Variants in PRR23A observed in about 807,000 individuals in gnomAD.
PRR23A encodes proline rich 23A, also known as proline-rich protein 23A.
For missense variants in PRR23A, 342 were observed against 372.7 expected, an observed-to-expected ratio of 0.92 and a Z score of 0.68; for synonymous variants, 161 against 170.6, an observed-to-expected ratio of 0.94 and a Z score of 0.44.
rs750583037 is a variant in PRR23A, at chr3:139,006,077, G to A, written c.192C>T (p.Ala64=). The A allele has an allele frequency of 2.2e-5, 35 of 1,588,002 alleles. No individual in the cohort carries two copies. The highest frequency in any genetic ancestry group is 2.7e-5 in the African/African-American group (2 of 74,318). ...VGALTSIVVL[A]AGCALRVPLD... Reference sequence around the variant, plus strand: ...GGGGCACACGCAGGGCACAGCCCGCGGCCAGGACCACTATGGAGGTGAGCG... The same window carrying A: ...GGGGCACACGCAGGGCACAGCCCGCAGCCAGGACCACTATGGAGGTGAGCG... Residue 64 remains alanine, a synonymous_variant, in exon 1 of 1, where the codon GCC becomes GCT. Transcript: ENST00000383163.
At position 139,004,002 on chromosome 3, in the gene PRR23A, A is replaced by C. The variant is rs1444540046; in HGVS notation, c.*1466T>G. On this transcript the variant is annotated 3_prime_UTR_variant, in exon 1 of 1. Coordinates refer to ENST00000383163, the MANE Select transcript of PRR23A (RefSeq NM_001134659.1). ...AATTTAATTGTCCAGAAAACAACAT[A>C]AACATTGCTTATTTATATCTATACA... Among the ~76,000 whole-genome samples, 1 of 152,218 alleles carries C rather than the reference A, an allele frequency of 6.6e-6. No individual in the cohort carries two copies. The highest frequency in any genetic ancestry group is 2.4e-5 in the African/African-American group (1 of 41,470).
Position 139,004,750 on chromosome 3 carries a change from G to T in PRR23A, c.*718C>A, listed in dbSNP as rs1936750247. Among the ~76,000 whole-genome samples, 2 of 152,234 alleles carry T rather than the reference G, an allele frequency of 1.3e-5. No homozygotes were observed. Among genetic ancestry groups the T allele is most frequent in the African/African-American group, 2.4e-5 (1 of 41,474 alleles). The stretch of plus-strand genomic sequence containing the variant: ...ACGCCTCGGCCTCCCAAAGTGCTGG[G>T]ATTACAGGCGTGAGCCATCGCGCCC... On this transcript the variant is annotated 3_prime_UTR_variant, in exon 1 of 1. Transcript: ENST00000383163.
Position 139,005,516 on chromosome 3 carries a change from G to T in PRR23A, c.753C>A (p.Leu251=). Residue 251 remains leucine (L), a synonymous_variant, in exon 1 of 1, where the codon CTC becomes CTA. Transcript: ENST00000383163. ...GGGCCTTGCACGGAGGGCGTTTCGG[G>T]AGCGGCGGGTGCGCGTGGGGACCTG... ...GSPGPHAHPP[L]PKRPPCKARR... is the part of the protein sequence containing the mutation. The T allele has an allele frequency of 3.3e-6, 5 of 1,498,498 alleles. No individual in the cohort carries two copies. Among genetic ancestry groups the T allele is most frequent in the Non-Finnish European group, 4.4e-6 (5 of 1,126,802 alleles). 92.8% of individuals were successfully genotyped at this position (1,498,498 alleles called of 1,614,324 possible). A position where few individuals can be genotyped will look rare whatever the true frequency, so the allele number is the denominator to read the frequency against.
Position 139,005,658 on chromosome 3 carries a change from T to C in PRR23A, c.611A>G (p.Asn204Ser), listed in dbSNP as rs753353969. 1.2e-6 allele frequency: 2 copies of C among 1,613,196 alleles called. No homozygotes were observed. Among genetic ancestry groups the C allele is most frequent in the Admixed American group, 1.7e-5 (1 of 59,936 alleles). ...PIPEPCALAPNPSSEGHSPGP... is the reference protein window; with the variant it reads ...PIPEPCALAPSPSSEGHSPGP... ...TGGAGAGTGTCCCTCTGAACTGGGG[T>C]TGGGGGCCAGAGCACAGGGTTCTGG... Residue 204 changes from asparagine (N) to serine (S), a missense_variant, in exon 1 of 1, where the codon AAC becomes AGC. Physicochemically the swap from Asn to Ser is conservative, Grantham distance 46. Transcript: ENST00000383163.
Position 139,005,700 on chromosome 3 carries a change from T to C in PRR23A, c.569A>G (p.Tyr190Cys). Residue 190 changes from tyrosine to cysteine, a missense_variant, in exon 1 of 1, where the codon TAC becomes TGC. By Grantham distance (194) the Tyr-to-Cys change is radical. Coordinates refer to ENST00000383163, the MANE Select transcript of PRR23A (RefSeq NM_001134659.1). ...GGGTTCTGGGATGGGGCCCTCCCGG[T>C]AGGGGCTGAACATACTTCTGGCGGA... ...YSSARSMFSP[Y>C]REGPIPEPCA... is the part of the protein sequence containing the mutation. The C allele has an allele frequency of 6.2e-7, 1 of 1,613,634 alleles. No homozygotes were observed. Among genetic ancestry groups the C allele is most frequent in the Non-Finnish European group, 8.5e-7 (1 of 1,179,830 alleles).
At position 139,005,637 on chromosome 3, in the gene PRR23A, G is replaced by A. The variant is rs771244876; in HGVS notation, c.632C>T (p.Ser211Phe). ...LAPNPSSEGH[S>F]PGPFFDPEFR... ...TTCCGGGTCGAAGAAGGGGCCTGGAGAGTGTCCCTCTGAACTGGGGTTGGG... is the reference window on the plus strand; with the variant it reads ...TTCCGGGTCGAAGAAGGGGCCTGGAAAGTGTCCCTCTGAACTGGGGTTGGG... The change falls in exon 1 of 1, where the codon TCT becomes TTT. Residue 211 changes from serine (S) to phenylalanine (F), a missense_variant. By Grantham distance (155) the Ser-to-Phe change is radical (BLOSUM62 -2). Transcript: ENST00000383163. 5.6e-6 allele frequency: 9 copies of A among 1,613,468 alleles called. No individual in the cohort carries two copies. In the Middle Eastern group the frequency reaches 5.0e-4, roughly 90 times the overall value.
At position 139,006,206 on chromosome 3, in the gene PRR23A, T is replaced by G; in HGVS notation, c.63A>C (p.Gly21=). The G allele has an allele frequency of 6.5e-7, 1 of 1,547,514 alleles. No homozygotes were observed. Among genetic ancestry groups the G allele is most frequent in the South Asian group, 1.2e-5 (1 of 84,058 alleles). ...GGAGGCGCTTGGCAGGGCCGGGTCC[T>G]CCTGGCTGCTGTCCCCACCAGGGCG... ...FPAPWWGQQP[G]GPGPAKRLRL... The change falls in exon 1 of 1, where the codon GGA becomes GGC. Residue 21 remains glycine (G), a synonymous_variant. Coordinates refer to ENST00000383163, the MANE Select transcript of PRR23A (RefSeq NM_001134659.1).
In PRR23A at chr3:139,004,911, G is replaced by C. The variant is rs1373371903; in HGVS notation, c.*557C>G. Among the ~76,000 whole-genome samples the C allele has an allele frequency of 6.6e-6, 1 of 152,188 alleles. No homozygotes were observed. Among genetic ancestry groups the C allele is most frequent in the Non-Finnish European group, 1.5e-5 (1 of 68,032 alleles). On this transcript the variant is annotated 3_prime_UTR_variant, in exon 1 of 1. Transcript: ENST00000383163. ...CAGGTCCAGGAAAAGGAGTTAAGGA[G>C]AGCAAGTGGAAAATAAAATCAGTGG...
rs772458809 is a variant in PRR23A at position 139,005,747 on chromosome 3, G to A, written c.522C>T (p.Gly174=). 17 of 1,613,276 alleles carry A rather than the reference G, an allele frequency of 1.1e-5. No individual in the cohort carries two copies. In the East Asian group the frequency reaches 3.3e-4, roughly 32 times the overall value. The change falls in exon 1 of 1, where the codon GGC becomes GGT. Residue 174 remains glycine, a synonymous_variant. Coordinates refer to ENST00000383163, the MANE Select transcript of PRR23A (RefSeq NM_001134659.1). Reference sequence around the variant, plus strand: ...CGGAGGAGTAGAGCCCAGCGGCTGAGCCGGCTGCGGAGTCCATCTGGAGCT... The same window carrying A: ...CGGAGGAGTAGAGCCCAGCGGCTGAACCGGCTGCGGAGTCCATCTGGAGCT... ...FPELQMDSAA[G]SAAGLYSSAR...
rs1936773198 is a variant in PRR23A, at chr3:139,005,982, G to C, written c.287C>G (p.Thr96Ser). 6.2e-7 allele frequency: 1 copy of C among 1,613,802 alleles called. No homozygotes were observed. The highest frequency in any genetic ancestry group is 1.7e-5 in the Admixed American group (1 of 60,000). The change falls in exon 1 of 1, where the codon ACC becomes AGC. Residue 96 changes from threonine (T) to serine (S), a missense_variant. Coordinates refer to ENST00000383163, the MANE Select transcript of PRR23A (RefSeq NM_001134659.1). ...GAGGACCTCTGGGATCAGGATGAGGGTGTGTCCATCGAGAGACACTCGCAG... is the reference window on the plus strand; with the variant it reads ...GAGGACCTCTGGGATCAGGATGAGGCTGTGTCCATCGAGAGACACTCGCAG... ...SILRVSLDGHTLILIPEVLLS... is the reference protein window; with the variant it reads ...SILRVSLDGHSLILIPEVLLS...
In PRR23A at chr3:139,005,566, G is replaced by T; in HGVS notation, c.703C>A (p.Pro235Thr). The T allele has an allele frequency of 6.2e-7, 1 of 1,605,830 alleles. No homozygotes were observed. Among genetic ancestry groups the T allele is most frequent in the Non-Finnish European group, 8.5e-7 (1 of 1,176,014 alleles). ...PVPSSPLQPL[P>T]PSPRVGSPGP... ...GGACTCCCCACGCGCGGAGAGGGAG[G>T]TAGAGGTTGGAGAGGTGAGCTGGGG... The change falls in exon 1 of 1, where the codon CCT (proline) becomes ACT (threonine). Residue 235 changes from proline to threonine, a missense_variant. Physicochemically the swap from Pro to Thr is conservative, Grantham distance 38 (BLOSUM62 -1). Coordinates refer to ENST00000383163, the MANE Select transcript of PRR23A (RefSeq NM_001134659.1).
chr3:139,005,971 T>G lies in PRR23A; in HGVS notation c.298A>C (p.Ile100Leu). 1 of 1,613,814 alleles carries G rather than the reference T, an allele frequency of 6.2e-7. No individual in the cohort carries two copies. Among genetic ancestry groups the G allele is most frequent in the Admixed American group, 1.7e-5 (1 of 60,008 alleles). Residue 100 changes from isoleucine to leucine, a missense_variant, in exon 1 of 1, where the codon ATC (isoleucine) becomes CTC (leucine). Transcript: ENST00000383163. ...VSLDGHTLIL[I>L]PEVLLSSVDE... ...ACAGAGCTCAGGAGGACCTCTGGGA[T>G]CAGGATGAGGGTGTGTCCATCGAGA...
At position 139,005,680 on chromosome 3, in the gene PRR23A, C is replaced by G. The variant is rs764840390; in HGVS notation, c.589G>C (p.Glu197Gln). Reference protein sequence around the residue: ...FSPYREGPIPEPCALAPNPSS... With the variant: ...FSPYREGPIPQPCALAPNPSS... Reference sequence around the variant, plus strand: ...GGGTTGGGGGCCAGAGCACAGGGTTCTGGGATGGGGCCCTCCCGGTAGGGG... The same window carrying G: ...GGGTTGGGGGCCAGAGCACAGGGTTGTGGGATGGGGCCCTCCCGGTAGGGG... The change falls in exon 1 of 1, where the codon GAA (glutamate) becomes CAA (glutamine). Residue 197 changes from glutamate (E) to glutamine (Q), a missense_variant. Transcript: ENST00000383163. 4 of 1,613,794 alleles carry G rather than the reference C, an allele frequency of 2.5e-6. No homozygotes were observed. The highest frequency in any genetic ancestry group is 3.4e-6 in the Non-Finnish European group (4 of 1,179,900).
chr3:139,005,528 C>T lies in PRR23A; in HGVS notation c.741G>A (p.Ala247=), dbSNP rs761983068. 1 of 1,478,286 alleles carries T rather than the reference C, an allele frequency of 6.8e-7. No homozygotes were observed. Among genetic ancestry groups the T allele is most frequent in the Non-Finnish European group, 9.0e-7 (1 of 1,115,914 alleles). 91.6% of individuals were successfully genotyped at this position (1,478,286 alleles called of 1,614,324 possible). ...SPRVGSPGPH[A]HPPLPKRPPC... is the part of the protein sequence containing the mutation. ...GAGGGCGTTTCGGGAGCGGCGGGTG[C>T]GCGTGGGGACCTGGACTCCCCACGC... The change falls in exon 1 of 1, where the codon GCG becomes GCA. Residue 247 remains alanine, a synonymous_variant. Coordinates refer to ENST00000383163, the MANE Select transcript of PRR23A (RefSeq NM_001134659.1).
Position 139,005,847 on chromosome 3 carries a change from A to T in PRR23A, c.422T>A (p.Val141Asp), listed in dbSNP as rs1576486340. The T allele has an allele frequency of 3.1e-6, 5 of 1,613,878 alleles. No homozygotes were observed. The East Asian group carries it at 1.1e-4, about 36-fold the overall frequency. ...GATCTCTGGGACAGATGCGCAGAAGACTTCCTGCTCAACGACGACGTCCTC... is the reference window on the plus strand; with the variant it reads ...GATCTCTGGGACAGATGCGCAGAAGTCTTCCTGCTCAACGACGACGTCCTC... ...LREDVVVEQE[V>D]FCASVPEIAA... The change falls in exon 1 of 1, where the codon GTC becomes GAC. Residue 141 changes from valine to aspartate, a missense_variant. Coordinates refer to ENST00000383163, the MANE Select transcript of PRR23A (RefSeq NM_001134659.1).
rs536452039 is a variant in PRR23A, at chr3:139,004,656, T to A, written c.*812A>T. On this transcript the variant is annotated 3_prime_UTR_variant, in exon 1 of 1. Coordinates refer to ENST00000383163, the MANE Select transcript of PRR23A (RefSeq NM_001134659.1). ...CACCATGCCCGGCTAATTTTCGTAT[T>A]TTTAGTAGAGACGGAGTTTCGCCAT... is the stretch of plus-strand genomic sequence containing the variant. Among the ~76,000 whole-genome samples the A allele has an allele frequency of 6.6e-6, 1 of 152,210 alleles. No homozygotes were observed. The highest frequency in any genetic ancestry group is 1.9e-4 in the East Asian group (1 of 5,172).
In PRR23A at chr3:139,006,135, A is replaced by G. The variant is rs1297956303; in HGVS notation, c.134T>C (p.Leu45Pro). ...GGCCGGGGTACCCGCCGGGTCTTCCAGGCTGGGCGCCACGCGGGGTTCGGG... is the reference window on the plus strand; with the variant it reads ...GGCCGGGGTACCCGCCGGGTCTTCCGGGCTGGGCGCCACGCGGGGTTCGGG... ...AGPEPRVAPSLEDPAGTPAVG... is the reference protein window; with the variant it reads ...AGPEPRVAPSPEDPAGTPAVG... Residue 45 changes from leucine (L) to proline (P), a missense_variant, in exon 1 of 1, where the codon CTG becomes CCG. Physicochemically the swap from Leu to Pro is moderately conservative, Grantham distance 98. Transcript: ENST00000383163. 2.6e-6 allele frequency: 4 copies of G among 1,544,710 alleles called. No individual in the cohort carries two copies. Among genetic ancestry groups the G allele is most frequent in the Non-Finnish European group, 3.5e-6 (4 of 1,146,724 alleles).
Position 139,005,861 on chromosome 3 carries a change from G to T in PRR23A, c.408C>A (p.Val136=). The change falls in exon 1 of 1, where the codon GTC becomes GTA. Residue 136 remains valine, a synonymous_variant. Coordinates refer to ENST00000383163, the MANE Select transcript of PRR23A (RefSeq NM_001134659.1). ...ATGCGCAGAAGACTTCCTGCTCAAC[G>T]ACGACGTCCTCCCTGAGAGCGCCCA... is the stretch of plus-strand genomic sequence containing the variant. ...VFLGALREDV[V]VEQEVFCASV... The T allele has an allele frequency of 2.5e-6, 4 of 1,613,880 alleles. No homozygotes were observed. Among genetic ancestry groups the T allele is most frequent in the Non-Finnish European group, 3.4e-6 (4 of 1,179,910 alleles).
In PRR23A at chr3:139,006,117, G is replaced by T. The variant is rs1260836655; in HGVS notation, c.152C>A (p.Thr51Asn). 7 of 1,546,978 alleles carry T rather than the reference G, an allele frequency of 4.5e-6. No individual in the cohort carries two copies. The highest frequency in any genetic ancestry group is 6.1e-6 in the Non-Finnish European group (7 of 1,147,682). Reference sequence around the variant, plus strand: ...GGAGGTGAGCGCGCCCACGGCCGGGGTACCCGCCGGGTCTTCCAGGCTGGG... The same window carrying T: ...GGAGGTGAGCGCGCCCACGGCCGGGTTACCCGCCGGGTCTTCCAGGCTGGG... ...VAPSLEDPAG[T>N]PAVGALTSIV... Residue 51 changes from threonine to asparagine, a missense_variant, in exon 1 of 1, where the codon ACC becomes AAC. Thr to Asn is a moderately conservative substitution (Grantham distance 65). Transcript: ENST00000383163.
Sources: allele counts gnomAD v4.1 joint callset (sites outside exome capture counted in the v4.1 genomes callset), GRCh38; gene constraint gnomAD v4.1.1; transcripts MANE v1.5; gene names NCBI Gene and HGNC (gene_info 2026-07-23, HGNC 2026-07-21).